CACNA2D3: variants seen among roughly 807,000 people sequenced by gnomAD.
CACNA2D3 encodes the protein calcium voltage-gated channel auxiliary subunit alpha2delta 3.
A neutral mutation model predicts 160.6 loss-of-function variants in CACNA2D3; 60 were observed. The observed-to-expected ratio is 0.37, with a 90% CI of 0.30 to 0.46. The LOEUF is 0.46. CACNA2D3 is among the 20% of genes least tolerant of loss of function. The probability of loss-of-function intolerance (pLI) is 1.00; values close to 1 mark genes in which losing one functional copy is unlikely to be tolerated. For synonymous variants in CACNA2D3, 558 were observed against 492.9 expected, an observed-to-expected ratio of 1.13 and a Z score of -1.75; for missense variants, 1,205 against 1,365.0, an observed-to-expected ratio of 0.88 and a Z score of 1.85.
intron 9 of CACNA2D3, among the ~76,000 whole-genome samples, chr3:54,624,983 G>A (rs756120745): frequency 5.9e-5 from 9 of 152,208 alleles, no homozygotes; most frequent in Non-Finnish European, 8.8e-5. Flanking sequence ...CCTTGGACTC[G>A]GTTAATTGCC....
chr3:54,850,082 C>T (rs1471917201), intron 17 of CACNA2D3, among the ~76,000 whole-genome samples: 2 of 152,188 alleles, frequency 1.3e-5, no homozygotes, highest in Non-Finnish European at 2.9e-5. Context: ...AGCAATGCTT[C>T]TCTGTGATCT....
chr3:54,734,135 C>T (rs1444578747), intron 11 of CACNA2D3, among the ~76,000 whole-genome samples: 4 of 152,144 alleles, frequency 2.6e-5, no homozygotes, highest in Non-Finnish European at 5.9e-5. Context: ...GGAAGGAAAT[C>T]GTTGTCCAAG....
chr3:54,200,643 G>C (rs865805218), intron 2 of CACNA2D3, among the ~76,000 whole-genome samples: 1 of 152,112 alleles, frequency 6.6e-6, no homozygotes, highest in East Asian at 1.9e-4. Flanking sequence ...AAATGCAAAC[G>C]ATCTCTAGCA....
intron 13 of CACNA2D3, among the ~76,000 whole-genome samples, chr3:54,802,774 C>G (rs561726189): frequency 6.6e-6 from 1 of 152,288 alleles, no homozygotes; most frequent in Admixed American, 6.5e-5. Flanking sequence ...TCCCTGACCC[C>G]TGACCCCCAA....
chr3:54,970,240 A>C (rs1165113242), intron 29 of CACNA2D3, among the ~76,000 whole-genome samples: 1 of 152,172 alleles, frequency 6.6e-6, no homozygotes, highest in Admixed American at 6.5e-5. Flanking sequence ...CTTGCAGATA[A>C]GAAAAACTGA....
intron 9 of CACNA2D3, among the ~76,000 whole-genome samples, chr3:54,584,342 T>C (rs1039717087): frequency 6.6e-6 from 1 of 152,134 alleles, no homozygotes; most frequent in African/African-American, 2.4e-5. Flanking sequence ...ATAGAAGTTA[T>C]AAAATAGAGC....
intron 3 of CACNA2D3, among the ~76,000 whole-genome samples, chr3:54,350,143 A>C (rs927758867): frequency 1.3e-5 from 2 of 152,052 alleles, no homozygotes; most frequent in African/African-American, 4.8e-5. Context: ...TTCTTTCAGA[A>C]CTTGTATTGT....
At chr3:54,844,667 A>C (rs1476117710) in intron 16 of CACNA2D3, among the ~76,000 whole-genome samples, 4 of 152,144 alleles carry the variant, frequency 2.6e-5, no homozygotes, top group Non-Finnish European at 5.9e-5. Context: ...GCAGGCATGA[A>C]ATAATCAAAA....
At chr3:54,126,527 A>T (rs991984672) in intron 2 of CACNA2D3, among the ~76,000 whole-genome samples, 1 of 152,196 alleles carries the variant, frequency 6.6e-6, no homozygotes. Flanking sequence ...GATAGCCCCT[A>T]TATTTTTTTC....
At chr3:54,412,686 A>G (rs1480737959) in intron 4 of CACNA2D3, among the ~76,000 whole-genome samples, 1 of 136,922 alleles carries the variant, frequency 7.3e-6, no homozygotes, top group African/African-American at 2.7e-5. Flanking sequence ...AATTATTCAT[A>G]TAATTGGATT....
chr3:54,704,420 T>G (rs1038528295), intron 11 of CACNA2D3, among the ~76,000 whole-genome samples: 3 of 152,122 alleles, frequency 2.0e-5, no homozygotes. Flanking sequence ...GATCCCCAGT[T>G]CATACATAGT....
chr3:54,869,686 TCTAAGTC>T (rs1207628118), intron 17 of CACNA2D3, among the ~76,000 whole-genome samples: 1 of 152,114 alleles, frequency 6.6e-6, no homozygotes, highest in African/African-American at 2.4e-5. Context: ...ACTGTCTGAC[TCTAAGTC>T]CTCAGGGGGA....
intron 35 of CACNA2D3, among the ~76,000 whole-genome samples, chr3:55,024,226 T>C (rs1703517555): frequency 6.7e-6 from 1 of 150,372 alleles, no homozygotes. Flanking sequence ...TTCTGCTTAT[T>C]CCTGGGTGAT....
At chr3:54,808,889 A>T (rs545190225) in intron 13 of CACNA2D3, among the ~76,000 whole-genome samples, 1 of 152,118 alleles carries the variant, frequency 6.6e-6, no homozygotes, top group African/African-American at 2.4e-5. Flanking sequence ...AACCTCTCAT[A>T]CGCTATCGGA....
intron 27 of CACNA2D3, among the ~76,000 whole-genome samples, chr3:54,942,706 T>C (rs1018024055): frequency 6.6e-6 from 1 of 151,198 alleles, no homozygotes; most frequent in Non-Finnish European, 1.5e-5. Flanking sequence ...CTGGGCAACA[T>C]AGCGAGGCTC....
intron 6 of CACNA2D3, among the ~76,000 whole-genome samples, chr3:54,563,544 G>A (rs903205988): frequency 6.6e-6 from 1 of 152,204 alleles, no homozygotes; most frequent in African/African-American, 2.4e-5. Context: ...TCCTTCTGGA[G>A]CCTTCCCAGG....
At chr3:54,687,567 C>CTATTT (rs1269927005) in intron 11 of CACNA2D3, among the ~76,000 whole-genome samples, 1 of 151,838 alleles carries the variant, frequency 6.6e-6, no homozygotes, top group East Asian at 1.9e-4. Context: ...GTTGATATGC[C>CTATTT]CAAAAGTTTT....
intron 2 of CACNA2D3, among the ~76,000 whole-genome samples, chr3:54,309,409 GA>G (rs1409966691): frequency 6.6e-6 from 1 of 152,214 alleles, no homozygotes; most frequent in Non-Finnish European, 1.5e-5. Flanking sequence ...TGTTGAACAG[GA>G]AAAGCTTATG....
intron 5 of CACNA2D3, among the ~76,000 whole-genome samples, chr3:54,519,422 C>T (rs1164947225): frequency 6.6e-6 from 1 of 152,164 alleles, no homozygotes; most frequent in African/African-American, 2.4e-5. Flanking sequence ...TGGGTGACAC[C>T]AGCGTTTGAG....
Sources: gnomAD v4.1 joint callset for allele counts (sites outside exome capture counted in the v4.1 genomes callset) on GRCh38, gnomAD v4.1.1 for gene constraint, MANE v1.5 for transcripts, NCBI Gene and HGNC (gene_info 2026-07-23, HGNC 2026-07-21) for gene names.